CACNA2D3: variants seen among roughly 807,000 people sequenced by gnomAD.
CACNA2D3 encodes voltage-dependent calcium channel subunit alpha-2/delta-3.
CACNA2D3 carries 60 observed loss-of-function variants against 160.6 expected under a neutral mutation model. The observed-to-expected ratio is 0.37, with a 90% CI of 0.30 to 0.46. The LOEUF (loss-of-function observed/expected upper bound fraction) is 0.46, where lower values mean the gene tolerates loss of function less well. Ranked by LOEUF, CACNA2D3 falls within the 20% of genes least tolerant of loss-of-function variation. CACNA2D3 has a pLI of 1.00. For synonymous variants in CACNA2D3, 558 were observed against 492.9 expected (o/e 1.13, Z -1.75); for missense variants, 1,205 against 1,365.0 (o/e 0.88, Z 1.85).
chr3:54,743,354 T>C lies in CACNA2D3; in HGVS notation c.1168-9245T>C, dbSNP rs369312448. On this transcript the variant is annotated intron_variant, in intron 11 of 37. Transcript: ENST00000474759. ...AACTGGGATGAAAGAGGGTTAGCCATGCAAACAGGAGGTGAGGGGCACTCC... is the reference window on the plus strand; with the variant it reads ...AACTGGGATGAAAGAGGGTTAGCCACGCAAACAGGAGGTGAGGGGCACTCC... Among the ~76,000 whole-genome samples, 60 of 152,220 alleles carry C rather than the reference T, an allele frequency of 3.9e-4. No individual in the cohort carries two copies. The South Asian group carries it at 0.011, about 29-fold the overall frequency.
intron 11 of CACNA2D3, among the ~76,000 whole-genome samples, chr3:54,705,559 T>A (rs1291108217): frequency 6.6e-6 from 1 of 152,150 alleles, no homozygotes; most frequent in African/African-American, 2.4e-5. Context: ...GACTCAAGGG[T>A]TATAGATAAC....
intron 27 of CACNA2D3, among the ~76,000 whole-genome samples, chr3:54,917,141 G>C (rs181387331): frequency 6.6e-6 from 1 of 152,288 alleles, no homozygotes; most frequent in East Asian, 1.9e-4. Context: ...AACCTAGCAT[G>C]AGAAAATGCA....
chr3:55,055,848 T>C (rs1354092477), intron 35 of CACNA2D3, among the ~76,000 whole-genome samples: 1 of 152,138 alleles, frequency 6.6e-6, no homozygotes, highest in African/African-American at 2.4e-5. Flanking sequence ...TAGTTCAGTG[T>C]TAGTGTACAG....
intron 31 of CACNA2D3, among the ~76,000 whole-genome samples, chr3:55,002,156 T>C (rs997175961): frequency 3.4e-5 from 4 of 117,456 alleles, no homozygotes; most frequent in Non-Finnish European, 6.7e-5. Context: ...AGACTCCATA[T>C]CAAAAAAAAA....
chr3:55,050,204 G>A (rs980206609), intron 35 of CACNA2D3, among the ~76,000 whole-genome samples: 3 of 150,312 alleles, frequency 2.0e-5, no homozygotes, highest in South Asian at 2.1e-4. Flanking sequence ...AGTCTCGATG[G>A]TCTTTACATT....
chr3:54,918,014 G>C (rs141605389), intron 27 of CACNA2D3, among the ~76,000 whole-genome samples: 1 of 152,100 alleles, frequency 6.6e-6, no homozygotes, highest in Non-Finnish European at 1.5e-5. Context: ...AATGCCCATC[G>C]GGTAAGATCA....
chr3:54,383,368 T>C (rs771296774), intron 3 of CACNA2D3, among the ~76,000 whole-genome samples: 10 of 152,182 alleles, frequency 6.6e-5, no homozygotes, highest in Non-Finnish European at 1.3e-4. Context: ...TGTCTCCTAT[T>C]GGCATCAGAG....
At chr3:55,065,547 G>A (rs921673812) in intron 35 of CACNA2D3, among the ~76,000 whole-genome samples, 2 of 152,102 alleles carry the variant, frequency 1.3e-5, no homozygotes, top group Non-Finnish European at 2.9e-5. Flanking sequence ...TGCTCCTGTG[G>A]TCCCAGCTCC....
At chr3:54,742,598 G>A (rs11711913) in intron 11 of CACNA2D3, among the ~76,000 whole-genome samples, 61,815 of 151,958 alleles carry the variant, frequency 0.41, 13,531 homozygotes, top group East Asian at 0.49. Context: ...AAATGATGCC[G>A]TCTGTCCACT....
chr3:55,070,186 ACAAG>A (rs1286196608), intron 35 of CACNA2D3, among the ~76,000 whole-genome samples: 1 of 152,154 alleles, frequency 6.6e-6, no homozygotes, highest in African/African-American at 2.4e-5. Context: ...CAGACAGTAA[ACAAG>A]CAAGGAAGAA....
rs544469859 is a variant in CACNA2D3 at position 54,774,100 on chromosome 3, G to A, written c.1380+9749G>A. Among the ~76,000 whole-genome samples, 4 of 152,290 alleles carry A rather than the reference G, an allele frequency of 2.6e-5. No homozygotes were observed. In the South Asian group the frequency reaches 8.3e-4, roughly 32 times the overall value. ...TTGTTTACAAGTCACAGCTTCCAGT[G>A]CAAAGTGGGAATGGTCAAAAAGGCA... On this transcript the variant is annotated intron_variant, in intron 13 of 37. Coordinates refer to ENST00000474759, the MANE Select transcript of CACNA2D3 (RefSeq NM_018398.3).
chr3:54,910,484 C>T (rs1700532512), intron 27 of CACNA2D3, among the ~76,000 whole-genome samples: 1 of 152,180 alleles, frequency 6.6e-6, no homozygotes, highest in Admixed American at 6.5e-5. Flanking sequence ...ATTAGCAGTG[C>T]TTCACCATGT....
At chr3:54,824,207 C>T (rs972848371) in intron 14 of CACNA2D3, among the ~76,000 whole-genome samples, 1 of 152,272 alleles carries the variant, frequency 6.6e-6, no homozygotes, top group African/African-American at 2.4e-5. Flanking sequence ...TTATTTTCTA[C>T]CAAAGGCGAT....
intron 4 of CACNA2D3, among the ~76,000 whole-genome samples, chr3:54,454,430 T>C (rs1453865371): frequency 1.3e-5 from 2 of 152,200 alleles, no homozygotes; most frequent in Admixed American, 6.5e-5. Context: ...GCTTTTATTA[T>C]TATAACTTTG....
intron 3 of CACNA2D3, among the ~76,000 whole-genome samples, chr3:54,345,307 GT>G (rs1310976673): frequency 6.6e-6 from 1 of 152,192 alleles, no homozygotes; most frequent in African/African-American, 2.4e-5. Flanking sequence ...AGCTATTTCT[GT>G]TTTTTCCTTC....
intron 29 of CACNA2D3, among the ~76,000 whole-genome samples, chr3:54,982,861 G>T (rs999165509): frequency 2.0e-5 from 3 of 152,036 alleles, no homozygotes; most frequent in African/African-American, 7.2e-5. Context: ...ACGACCAGAG[G>T]TCACACTCAT....
chr3:54,310,456 C>T (rs1349545862), intron 2 of CACNA2D3, among the ~76,000 whole-genome samples: 1 of 152,176 alleles, frequency 6.6e-6, no homozygotes, highest in African/African-American at 2.4e-5. Flanking sequence ...ATTGCAACAT[C>T]TTTAGTAACA....
chr3:54,782,681 C>T (rs1702558167), intron 13 of CACNA2D3, among the ~76,000 whole-genome samples: 1 of 152,094 alleles, frequency 6.6e-6, no homozygotes, highest in South Asian at 2.1e-4. Flanking sequence ...CTAAAAGCAT[C>T]ATGCCATGCT....
At chr3:54,324,656 A>G (rs1704083464) in intron 3 of CACNA2D3, among the ~76,000 whole-genome samples, 1 of 152,110 alleles carries the variant, frequency 6.6e-6, no homozygotes. Context: ...TGCCCAAGGC[A>G]CCATCTCTCA....
Sources: gnomAD v4.1 joint callset for allele counts (sites outside exome capture counted in the v4.1 genomes callset) on GRCh38, gnomAD v4.1.1 for gene constraint, MANE v1.5 for transcripts, NCBI Gene and HGNC (gene_info 2026-07-23, HGNC 2026-07-21) for gene names.